Variants in ANK2 observed in about 807,000 individuals in gnomAD.
ANK2 encodes ankyrin-2.
ANK2 carries 83 observed loss-of-function variants against 360.5 expected under a neutral mutation model. That is an observed-to-expected ratio of 0.23 (90% CI 0.19 to 0.28). The LOEUF (loss-of-function observed/expected upper bound fraction) is 0.28, where lower values mean the gene tolerates loss of function less well. Among genes scored for constraint, ANK2 ranks in the 10% least tolerant of loss-of-function variants. The pLI, the probability that ANK2 is intolerant of heterozygous loss-of-function variation, is 1.00. For missense variants in ANK2, 4,201 were observed against 4,795.7 expected, an observed-to-expected ratio of 0.88 and a Z score of 3.66; for synonymous variants, 1,740 against 1,759.5, an observed-to-expected ratio of 0.99 and a Z score of 0.28.
At chr4:113,255,692 GA>G (rs34725737) in intron 10 of ANK2, 42 bp from the exon 11 acceptor site, 66,911 of 1,144,088 alleles carry the variant, frequency 0.058, 843 homozygotes, top group Admixed American at 0.087. Context: ...TGAAAATAAT[GA>G]AAAAAAAAAA....
chr4:112,987,189 G>T (rs1388473870), intron 2 of ANK2, among the ~76,000 whole-genome samples: 3 of 152,126 alleles, frequency 2.0e-5, no homozygotes, highest in Non-Finnish European at 4.4e-5. Context: ...CTCTCATCTT[G>T]TTCACACTAG....
intron 2 of ANK2, among the ~76,000 whole-genome samples, chr4:112,932,593 A>G (rs1422186886): frequency 6.6e-6 from 1 of 150,548 alleles, no homozygotes; most frequent in Non-Finnish European, 1.5e-5. Flanking sequence ...TCCTGTAAAG[A>G]GTATAAGTTT....
chr4:112,968,234 C>T (rs147156563), intron 2 of ANK2, among the ~76,000 whole-genome samples: 14 of 152,276 alleles, frequency 9.2e-5, no homozygotes, highest in African/African-American at 2.4e-4. Flanking sequence ...GTGGTGGTAC[C>T]GCTGAATAAT....
the ANK2 span, among the ~76,000 whole-genome samples, chr4:112,792,033 C>CTTTTTTTT: frequency 7.6e-5 from 5 of 65,996 alleles, no homozygotes; most frequent in Non-Finnish European, 1.0e-4. Flanking sequence ...CACATCCTTT[C>CTTTTTTTT]TTTTTTTTTT....
chr4:113,173,337 T>A (rs930249847), intron 1 of ANK2, among the ~76,000 whole-genome samples: 1 of 152,200 alleles, frequency 6.6e-6, no homozygotes, highest in Non-Finnish European at 1.5e-5. Flanking sequence ...GCCAAGAGGT[T>A]CTTGCCAAGT....
At chr4:112,984,231 G>A (rs1157709070) in intron 2 of ANK2, among the ~76,000 whole-genome samples, 1 of 152,158 alleles carries the variant, frequency 6.6e-6, no homozygotes, top group African/African-American at 2.4e-5. Flanking sequence ...GGATCAGGAG[G>A]TTTGGTCAGC....
intron 31 of ANK2, among the ~76,000 whole-genome samples, chr4:113,338,132 T>A (rs2093788693): frequency 6.6e-6 from 1 of 152,222 alleles, no homozygotes; most frequent in Non-Finnish European, 1.5e-5. Flanking sequence ...GTCATGTAGT[T>A]ATGCTGAGTA....
chr4:113,318,501 T>C lies in ANK2; in HGVS notation c.2797-16T>C. ...AGCAAAGTGTGTTTATTCAATCCAGTGTTCTTTGTGTTTAGGTGTCAACTC... is the reference window on the plus strand; with the variant it reads ...AGCAAAGTGTGTTTATTCAATCCAGCGTTCTTTGTGTTTAGGTGTCAACTC... On this transcript the variant is annotated splice_polypyrimidine_tract_variant and intron_variant, in intron 25 of 45. Transcript: ENST00000357077. 6.3e-7 allele frequency: 1 copy of C among 1,595,236 alleles called. No individual in the cohort carries two copies. The highest frequency in any genetic ancestry group is 1.1e-5 in the South Asian group (1 of 90,182).
intron 5 of ANK2, among the ~76,000 whole-genome samples, chr4:113,233,210 C>T (rs1223238178): frequency 7.5e-6 from 1 of 134,052 alleles, no homozygotes; most frequent in African/African-American, 2.8e-5. Flanking sequence ...TCTCGGCTCA[C>T]TGCAAGCTCC....
intron 39 of ANK2, among the ~76,000 whole-genome samples, chr4:113,362,293 G>A (rs2096268035): frequency 6.6e-6 from 1 of 152,084 alleles, no homozygotes; most frequent in African/African-American, 2.4e-5. Context: ...AAGTAGAATT[G>A]CTGCGGAAAA....
intron 2 of ANK2, among the ~76,000 whole-genome samples, chr4:113,022,125 A>G (rs747533902): frequency 6.6e-6 from 1 of 152,204 alleles, no homozygotes; most frequent in Non-Finnish European, 1.5e-5. Context: ...CTACCTGGGA[A>G]GGGAAAATAG....
chr4:113,196,330 A>AAAGCCTTGTTTGTTT (rs753031074), intron 2 of ANK2, 38 bp from the exon 3 acceptor site: 1 of 1,528,830 alleles, frequency 6.5e-7, no homozygotes, highest in Non-Finnish European at 9.0e-7. Flanking sequence ...TTTCCTCATT[A>AAAGCCTTGTTTGTTT]CTTCACTTCT....
At chr4:112,761,979 A>G in the ANK2 span, among the ~76,000 whole-genome samples, 5 of 152,240 alleles carry the variant, frequency 3.3e-5, no homozygotes, top group Non-Finnish European at 7.3e-5. Flanking sequence ...AGAGGAAGGA[A>G]TAATTAACTT....
At chr4:112,891,034 A>C (rs1299454381) in intron 1 of ANK2, among the ~76,000 whole-genome samples, 4 of 152,142 alleles carry the variant, frequency 2.6e-5, no homozygotes, top group Non-Finnish European at 5.9e-5. Context: ...ACAGTTTTTT[A>C]TGTTCCAGGT....
chr4:112,885,371 C>T (rs555289464), intron 1 of ANK2, among the ~76,000 whole-genome samples: 33 of 151,574 alleles, frequency 2.2e-4, no homozygotes, highest in Non-Finnish European at 4.1e-4. Flanking sequence ...TGGAGGCACG[C>T]GCCTGTAATC....
intron 2 of ANK2, among the ~76,000 whole-genome samples, chr4:112,905,898 G>C (rs1234796044): frequency 6.6e-6 from 1 of 152,214 alleles, no homozygotes; most frequent in Non-Finnish European, 1.5e-5. Flanking sequence ...CTGAGCTCAA[G>C]TGATCTGCCC....
At position 113,369,222 on chromosome 4, in the gene ANK2, A is replaced by G. The variant is rs1298681051; in HGVS notation, c.11319-292A>G. On this transcript the variant is annotated intron_variant, in intron 42 of 45. Coordinates refer to ENST00000357077, the MANE Select transcript of ANK2 (RefSeq NM_001148.6). ...CTTGAGTTATAAAAGAAAAGATGAA[A>G]CTATAACTTATATACATTGTAGAGG... 7.2e-5 allele frequency among the ~76,000 whole-genome samples: 11 copies of G among 152,344 alleles called. No individual in the cohort carries two copies. In the South Asian group the frequency reaches 2.1e-3, roughly 29 times the overall value.
intron 1 of ANK2, among the ~76,000 whole-genome samples, chr4:113,125,365 G>A (rs185920563): frequency 2.6e-5 from 4 of 152,162 alleles, no homozygotes; most frequent in South Asian, 4.1e-4. Context: ...TTGAAACAAA[G>A]TTTAGCCGAT....
the ANK2 span, among the ~76,000 whole-genome samples, chr4:112,774,600 G>A: frequency 6.6e-6 from 1 of 152,206 alleles, no homozygotes; most frequent in Admixed American, 6.5e-5. Flanking sequence ...TCTCATAGAG[G>A]TTTAAGACAT....
Sources: allele counts gnomAD v4.1 joint callset (sites outside exome capture counted in the v4.1 genomes callset), GRCh38; gene constraint gnomAD v4.1.1; transcripts MANE v1.5; gene names NCBI Gene and HGNC (gene_info 2026-07-23, HGNC 2026-07-21).